Variants in MMRN1 observed in about 807,000 individuals in gnomAD.
The protein encoded by MMRN1 is multimerin-1.
A neutral mutation model predicts 100.7 loss-of-function variants in MMRN1; 94 were observed. The ratio of observed to expected loss-of-function variants is 0.93; its 90% CI spans 0.79 to 1.11. The LOEUF (loss-of-function observed/expected upper bound fraction) is 1.11. MMRN1 is among the 50% of genes least tolerant of loss of function. The pLI is 0.00. For missense variants in MMRN1, 1,606 were observed against 1,439.1 expected (o/e 1.12, Z -1.88); for synonymous variants, 575 against 505.0 (o/e 1.14, Z -1.86).
chr4:89,880,188 T>C lies in MMRN1; in HGVS notation c.-249+586T>C, dbSNP rs148611257. 8.8e-3 allele frequency among the ~76,000 whole-genome samples: 1,344 copies of C among 152,288 alleles called. 31 individuals are homozygous for C. The highest frequency in any genetic ancestry group is 0.044 in the Admixed American group (665 of 15,278). ...AAATTAAAACATGAAATCAGTTAAG[T>C]TGGGGGAGAAGGTTGAGTTTAAGCC... is the stretch of plus-strand genomic sequence containing the variant. On this transcript the variant is annotated intron_variant, in intron 1 of 8. Coordinates refer to the MMRN1 transcript ENST00000394980.
intron 6 of MMRN1, among the ~76,000 whole-genome samples, chr4:89,941,839 A>G (rs946520624): frequency 6.6e-5 from 10 of 152,182 alleles, no homozygotes; most frequent in Non-Finnish European, 8.8e-5. Context: ...GGCCTCCCCA[A>G]TTTGTGTCAA....
Position 89,895,604 on chromosome 4 carries a change from C to T in MMRN1, c.623+10C>T, listed in dbSNP as rs1384306064. The T allele has an allele frequency of 1.1e-5, 18 of 1,608,220 alleles. No homozygotes were observed. Among genetic ancestry groups the T allele is most frequent in the Non-Finnish European group, 1.5e-5 (18 of 1,176,814 alleles). ...AAACAACTAGAGGAAAGTAAGAAAT[C>T]TTCTTTTCTTTTTGTTCTTTCTCTG... On this transcript the variant is annotated intron_variant, in intron 1 of 7. Coordinates refer to ENST00000264790, the MANE Select transcript of MMRN1 (RefSeq NM_007351.3).
chr4:89,922,495 G>A, intron 3 of MMRN1, among the ~76,000 whole-genome samples: 1 of 151,996 alleles, frequency 6.6e-6, no homozygotes, highest in South Asian at 2.1e-4. Context: ...TTGATTCATG[G>A]GAATTATTAC....
At chr4:89,937,850 T>G (rs1257203685) in intron 6 of MMRN1, among the ~76,000 whole-genome samples, 3 of 152,074 alleles carry the variant, frequency 2.0e-5, no homozygotes, top group Non-Finnish European at 4.4e-5. Context: ...AAGAAGCATG[T>G]ATTTGGGAAG....
At chr4:89,893,246 G>A (rs1038606724), upstream of MMRN1, among the ~76,000 whole-genome samples, 4 of 151,936 alleles carry the variant, frequency 2.6e-5, no homozygotes, top group African/African-American at 7.2e-5. Context: ...TCTGAGAAAC[G>A]GATGCTTTTT....
intron 1 of MMRN1, among the ~76,000 whole-genome samples, chr4:89,883,643 G>C (rs1316604579): frequency 6.6e-6 from 1 of 152,040 alleles, no homozygotes; most frequent in Admixed American, 6.6e-5. Context: ...TTTGAATGGA[G>C]TAATTTGTTC....
chr4:89,940,820 A>T (rs1235226270), intron 6 of MMRN1, among the ~76,000 whole-genome samples: 1 of 152,170 alleles, frequency 6.6e-6, no homozygotes, highest in Non-Finnish European at 1.5e-5. Flanking sequence ...TTTTCACTTA[A>T]TATTTGATAT....
At chr4:89,947,818 GAA>G (rs758175143) in intron 6 of MMRN1, among the ~76,000 whole-genome samples, 18 of 152,046 alleles carry the variant, frequency 1.2e-4, no homozygotes, top group Non-Finnish European at 2.4e-4. Context: ...TAATAAAGGA[GAA>G]AAATAAGTCA....
chr4:89,907,651 G>C (rs1272870217), intron 1 of MMRN1, among the ~76,000 whole-genome samples: 1 of 150,998 alleles, frequency 6.6e-6, no homozygotes, highest in Non-Finnish European at 1.5e-5. Context: ...AGTTTGGCTG[G>C]TTTCTATTCC....
intron 1 of MMRN1, among the ~76,000 whole-genome samples, chr4:89,897,240 C>T (rs961907012): frequency 1.3e-5 from 2 of 150,886 alleles, no homozygotes; most frequent in Non-Finnish European, 2.9e-5. Flanking sequence ...GACGGAGTCT[C>T]GCTCTCTTGC....
intron 6 of MMRN1, among the ~76,000 whole-genome samples, chr4:89,939,665 A>G (rs1722762341): frequency 6.6e-6 from 1 of 152,178 alleles, no homozygotes; most frequent in South Asian, 2.1e-4. Flanking sequence ...CTCAGTCCTC[A>G]ACCACATGCT....
rs1459223544 is a variant in MMRN1 at position 89,882,338 on chromosome 4, CA to C, written c.-249+2737del. 2.0e-5 allele frequency among the ~76,000 whole-genome samples: 3 copies of C among 150,820 alleles called. No individual in the cohort carries two copies. In the East Asian group the frequency reaches 5.8e-4, roughly 29 times the overall value. On this transcript the variant is annotated intron_variant, in intron 1 of 8. Coordinates refer to the MMRN1 transcript ENST00000394980. ...ATATAATCTTAAGAACAATACTGAA[CA>C]TTTTTTCTTTCTTTAATAAAATTAG...
chr4:89,911,987 A>C lies in MMRN1; in HGVS notation c.787A>C (p.Ile263Leu). ...SNPVYRMQHK[I>L]VTSLDWRCCP... ...TCCTGTCTATAGGATGCAACATAAAATTGTCACCTCATTGGATTGGAGGTG... is the reference window on the plus strand; with the variant it reads ...TCCTGTCTATAGGATGCAACATAAACTTGTCACCTCATTGGATTGGAGGTG... The change falls in exon 3 of 8, where the codon ATT becomes CTT. Residue 263 changes from isoleucine to leucine, a missense_variant. By Grantham distance (5) the Ile-to-Leu change is conservative. Coordinates refer to ENST00000264790, the MANE Select transcript of MMRN1 (RefSeq NM_007351.3). 1 of 1,604,420 alleles carries C rather than the reference A, an allele frequency of 6.2e-7. No individual in the cohort carries two copies. Among genetic ancestry groups the C allele is most frequent in the Non-Finnish European group, 8.5e-7 (1 of 1,174,332 alleles).
At chr4:89,922,689 G>A (rs1042151622) in intron 3 of MMRN1, among the ~76,000 whole-genome samples, 2 of 152,064 alleles carry the variant, frequency 1.3e-5, no homozygotes, top group Non-Finnish European at 2.9e-5. Context: ...ATCCATTTAA[G>A]TGGCACTATT....
chr4:89,927,475 T>C (rs994360601), intron 4 of MMRN1, among the ~76,000 whole-genome samples: 1 of 152,114 alleles, frequency 6.6e-6, no homozygotes, highest in African/African-American at 2.4e-5. Flanking sequence ...TATCCTGCAA[T>C]TTTACTGAAT....
At chr4:89,885,924 A>G (rs1046695771) in intron 1 of MMRN1, among the ~76,000 whole-genome samples, 1 of 151,932 alleles carries the variant, frequency 6.6e-6, no homozygotes, top group Admixed American at 6.6e-5. Context: ...TCCTTCTACT[A>G]ACTTTGGGAA....
chr4:89,951,245 A>C (rs1723163294), intron 6 of MMRN1, among the ~76,000 whole-genome samples: 1 of 152,284 alleles, frequency 6.6e-6, no homozygotes, highest in Non-Finnish European at 1.5e-5. Context: ...TATCGAACAG[A>C]TATTTTTCTT....
intron 6 of MMRN1, among the ~76,000 whole-genome samples, chr4:89,943,371 A>G (rs956687110): frequency 6.6e-6 from 1 of 152,198 alleles, no homozygotes; most frequent in African/African-American, 2.4e-5. Flanking sequence ...TTGAATAGGA[A>G]ATTTGTTTGA....
intron 1 of MMRN1, among the ~76,000 whole-genome samples, chr4:89,888,193 A>C (rs1720978879): frequency 6.6e-6 from 1 of 151,938 alleles, no homozygotes; most frequent in South Asian, 2.1e-4. Flanking sequence ...TCTTTAGCGC[A>C]ATGGGTTTCT....
Sources: allele counts gnomAD v4.1 joint callset (sites outside exome capture counted in the v4.1 genomes callset), GRCh38; gene constraint gnomAD v4.1.1; transcripts MANE v1.5; gene names NCBI Gene and HGNC (gene_info 2026-07-23, HGNC 2026-07-21).